PALM2AKAP2: variants seen among roughly 807,000 people sequenced by gnomAD.
PALM2AKAP2 encodes PALM2-AKAP2 fusion protein.
In PALM2AKAP2, 37 loss-of-function variants were observed where a neutral mutation model predicts 71.5. The observed-to-expected ratio is 0.52, with a 90% CI of 0.40 to 0.68. The LOEUF (loss-of-function observed/expected upper bound fraction) is 0.68, where lower values mean the gene tolerates loss of function less well. PALM2AKAP2 is among the 30% of genes least tolerant of loss of function. PALM2AKAP2 has a pLI of 0.00. For synonymous variants in PALM2AKAP2, 468 were observed against 478.8 expected (o/e 0.98, Z 0.29); for missense variants, 1,224 against 1,191.8 (o/e 1.03, Z -0.40).
chr9:109,667,509 G>C (rs1827505047), intron 1 of PALM2AKAP2, among the ~76,000 whole-genome samples: 1 of 152,246 alleles, frequency 6.6e-6, no homozygotes, highest in Admixed American at 6.5e-5. Context: ...ATGTAACCCA[G>C]CTGGGCGTGG....
intron 1 of PALM2AKAP2, among the ~76,000 whole-genome samples, chr9:110,132,937 T>A (rs188938900): frequency 1.3e-5 from 2 of 152,324 alleles, no homozygotes; most frequent in Non-Finnish European, 2.9e-5. Context: ...TTTTAAAATC[T>A]CAGTTTGACC....
intron 1 of PALM2AKAP2, among the ~76,000 whole-genome samples, chr9:109,737,677 C>T (rs1828657865): frequency 6.6e-6 from 1 of 152,164 alleles, no homozygotes; most frequent in Admixed American, 6.5e-5. Context: ...ATTGACAGTC[C>T]AACAAGAACA....
At chr9:109,867,304 C>T (rs554527268) in intron 1 of PALM2AKAP2, 187 bp from the exon 2 acceptor site, 1 of 574,644 alleles carries the variant, frequency 1.7e-6, no homozygotes, top group African/African-American at 1.9e-5. Flanking sequence ...CTACAGCAGA[C>T]ATGTTAGGAG....
chr9:110,054,119 G>A (rs1833778620), intron 1 of PALM2AKAP2, among the ~76,000 whole-genome samples: 1 of 152,202 alleles, frequency 6.6e-6, no homozygotes, highest in African/African-American at 2.4e-5. Context: ...GAGATACCAG[G>A]CTGGGCATGG....
chr9:110,151,909 T>C (rs956839577), intron 2 of PALM2AKAP2, among the ~76,000 whole-genome samples: 1 of 152,152 alleles, frequency 6.6e-6, no homozygotes, highest in African/African-American at 2.4e-5. Context: ...TGTGTTCATG[T>C]TGTTGTTTAA....
intron 1 of PALM2AKAP2, among the ~76,000 whole-genome samples, chr9:109,739,797 G>C (rs1275782641): frequency 6.6e-6 from 1 of 152,152 alleles, no homozygotes; most frequent in Admixed American, 6.5e-5. Context: ...CTCCATGCCT[G>C]GCCCTCTCTA....
chr9:109,886,081 T>C (rs916719912), intron 3 of PALM2AKAP2, among the ~76,000 whole-genome samples: 4 of 152,346 alleles, frequency 2.6e-5, no homozygotes, highest in East Asian at 1.9e-4. Context: ...CTAAATAAGA[T>C]TGGAATTGTT....
At chr9:110,005,194 A>T (rs1832754203) in intron 6 of PALM2AKAP2, among the ~76,000 whole-genome samples, 2 of 152,000 alleles carry the variant, frequency 1.3e-5, no homozygotes, top group South Asian at 4.1e-4. Context: ...TGATGTACAG[A>T]TGGGGTTTTG....
At chr9:109,791,143 G>GTGACTAGA (rs1420154576) in intron 1 of PALM2AKAP2, among the ~76,000 whole-genome samples, 1 of 152,176 alleles carries the variant, frequency 6.6e-6, no homozygotes, top group African/African-American at 2.4e-5. Flanking sequence ...AATCTTACTG[G>GTGACTAGA]TGACTAGAGA....
chr9:109,931,548 GT>G (rs1383327777), intron 5 of PALM2AKAP2, among the ~76,000 whole-genome samples: 2 of 152,058 alleles, frequency 1.3e-5, no homozygotes, highest in Non-Finnish European at 2.9e-5. Flanking sequence ...TTTCAGTACT[GT>G]TTAATGTACA....
At chr9:109,853,472 T>A (rs1303792271) in intron 1 of PALM2AKAP2, among the ~76,000 whole-genome samples, 2 of 152,266 alleles carry the variant, frequency 1.3e-5, no homozygotes, top group African/African-American at 4.8e-5. Context: ...CTATTTCATG[T>A]AATCTACAGC....
chr9:109,838,720 A>G lies in PALM2AKAP2; in HGVS notation c.46-28771A>G, dbSNP rs183671881. 5.9e-3 allele frequency among the ~76,000 whole-genome samples: 898 copies of G among 152,328 alleles called. 13 individuals carry two copies. Among genetic ancestry groups the G allele is most frequent in the African/African-American group, 0.02 (845 of 41,582 alleles). ...GTCACCACCAATCCCACAGAAATACAAACTACCATCAGAGAATACTATAAA... is the reference window on the plus strand; with the variant it reads ...GTCACCACCAATCCCACAGAAATACGAACTACCATCAGAGAATACTATAAA... On this transcript the variant is annotated intron_variant, in intron 1 of 9. Coordinates refer to the PALM2AKAP2 transcript ENST00000302798.
intron 1 of PALM2AKAP2, among the ~76,000 whole-genome samples, chr9:110,082,140 T>C (rs146259155): frequency 0.013 from 2,009 of 152,178 alleles, 37 homozygotes; most frequent in African/African-American, 0.046. Context: ...CAGGCTGGAG[T>C]GCAGTGGTGT....
intron 6 of PALM2AKAP2, among the ~76,000 whole-genome samples, chr9:109,971,314 TACAGAGAAAAGGG>T: frequency 1.7e-5 from 2 of 118,260 alleles, no homozygotes; most frequent in South Asian, 2.9e-4. Flanking sequence ...TTTTTTTTTT[TACAGAGAAAAGGG>T]GTCTGTTTGC....
At chr9:110,080,473 A>G (rs1834424901) in intron 1 of PALM2AKAP2, among the ~76,000 whole-genome samples, 2 of 152,216 alleles carry the variant, frequency 1.3e-5, no homozygotes, top group South Asian at 4.1e-4. Flanking sequence ...TCAAAACCAT[A>G]GAGGTGTGAT....
At chr9:109,968,620 T>G (rs555238615) in intron 6 of PALM2AKAP2, among the ~76,000 whole-genome samples, 3 of 152,296 alleles carry the variant, frequency 2.0e-5, no homozygotes, top group Admixed American at 2.0e-4. Flanking sequence ...CCTGATTTTG[T>G]GTTAGCCTTC....
chr9:109,733,884 AGAGTTACATTTCTTTT>A (rs1255214633), intron 1 of PALM2AKAP2, among the ~76,000 whole-genome samples: 2 of 152,244 alleles, frequency 1.3e-5, no homozygotes, highest in Non-Finnish European at 2.9e-5. Flanking sequence ...CCACTTGGTC[AGAGTTACATTTCTTTT>A]GCACCACAAA....
At chr9:110,038,768 G>A (rs1461642644) in intron 7 of PALM2AKAP2, among the ~76,000 whole-genome samples, 2 of 151,422 alleles carry the variant, frequency 1.3e-5, no homozygotes, top group African/African-American at 4.9e-5. Flanking sequence ...GTGAAACCCC[G>A]TCTCTACTAA....
intron 1 of PALM2AKAP2, chr9:109,760,524 A>G (rs555195604): frequency 1.8e-4 from 27 of 152,194 alleles, no homozygotes; most frequent in African/African-American, 2.9e-4. Flanking sequence ...CTTGTCCCCA[A>G]ACAGAACCAT....
Sources: allele counts gnomAD v4.1 joint callset (sites outside exome capture counted in the v4.1 genomes callset), GRCh38; gene constraint gnomAD v4.1.1; transcripts MANE v1.5; gene names NCBI Gene and HGNC (gene_info 2026-07-23, HGNC 2026-07-21).